Variants in PCDHA12 observed in about 807,000 individuals in gnomAD.
PCDHA12 encodes the protein protocadherin alpha 12.
A neutral mutation model predicts 60.0 loss-of-function variants in PCDHA12; 44 were observed. The ratio of observed to expected loss-of-function variants is 0.73; its 90% CI spans 0.58 to 0.94. The LOEUF (loss-of-function observed/expected upper bound fraction) is 0.94, where lower values mean the gene tolerates loss of function less well. Ranked by LOEUF, PCDHA12 falls within the 40% of genes least tolerant of loss-of-function variation. The pLI is 0.00. For synonymous variants in PCDHA12, 569 were observed against 553.0 expected, an observed-to-expected ratio of 1.03 and a Z score of -0.40; for missense variants, 1,276 against 1,239.7, an observed-to-expected ratio of 1.03 and a Z score of -0.44.
intron 1 of PCDHA12, among the ~76,000 whole-genome samples, chr5:140,949,788 G>C (rs2094421903): frequency 6.6e-6 from 1 of 151,684 alleles, no homozygotes; most frequent in Non-Finnish European, 1.5e-5. Context: ...GTTTAGATTT[G>C]TGTCCTTCAA....
At chr5:140,989,444 T>C (rs2097342711) in intron 3 of PCDHA12, among the ~76,000 whole-genome samples, 1 of 152,130 alleles carries the variant, frequency 6.6e-6, no homozygotes, top group South Asian at 2.1e-4. Context: ...CTGAGGTTGT[T>C]TAGAATTGTT....
At chr5:141,006,579 T>C (rs1208750821) in intron 3 of PCDHA12, among the ~76,000 whole-genome samples, 1 of 151,702 alleles carries the variant, frequency 6.6e-6, no homozygotes, top group Non-Finnish European at 1.5e-5. Context: ...GTGTGGAGGG[T>C]TGGAGAGAAG....
At chr5:140,909,854 C>T (rs756812618) in intron 1 of PCDHA12, among the ~76,000 whole-genome samples, 8 of 152,186 alleles carry the variant, frequency 5.3e-5, no homozygotes, top group Non-Finnish European at 1.2e-4. Flanking sequence ...CGTTTTCGGT[C>T]CCCTGGAGTC....
At chr5:140,951,543 CG>C (rs1201907714) in intron 1 of PCDHA12, among the ~76,000 whole-genome samples, 2 of 151,550 alleles carry the variant, frequency 1.3e-5, no homozygotes, top group Admixed American at 1.3e-4. Flanking sequence ...GAGCAAGGGA[CG>C]GGGGGAAGTG....
At chr5:140,997,697 T>C (rs2153948518) in intron 3 of PCDHA12, among the ~76,000 whole-genome samples, 1 of 151,394 alleles carries the variant, frequency 6.6e-6, no homozygotes. Flanking sequence ...TGTGTGTGTG[T>C]ATGTTAACAA....
At chr5:140,975,610 C>T (rs1412581927) in intron 1 of PCDHA12, among the ~76,000 whole-genome samples, 5 of 152,160 alleles carry the variant, frequency 3.3e-5, no homozygotes, top group Non-Finnish European at 7.4e-5. Flanking sequence ...TGATGTCTTC[C>T]ACATGGATTT....
chr5:140,906,661 A>C (rs1237437986), intron 1 of PCDHA12, among the ~76,000 whole-genome samples: 1 of 152,176 alleles, frequency 6.6e-6, no homozygotes, highest in African/African-American at 2.4e-5. Flanking sequence ...TTCCTGGTGT[A>C]GTGACCCAAA....
intron 1 of PCDHA12, among the ~76,000 whole-genome samples, chr5:140,905,357 A>G (rs1280254509): frequency 1.3e-5 from 2 of 152,052 alleles, no homozygotes; most frequent in African/African-American, 4.8e-5. Flanking sequence ...GTATTTGACT[A>G]TATTTCTGGT....
chr5:140,964,168 G>A (rs928554352), intron 1 of PCDHA12, among the ~76,000 whole-genome samples: 1 of 152,166 alleles, frequency 6.6e-6, no homozygotes, highest in Non-Finnish European at 1.5e-5. Flanking sequence ...TGTGAGGAAC[G>A]AAATCATTAT....
chr5:140,887,769 T>A (rs1012351831), intron 1 of PCDHA12, among the ~76,000 whole-genome samples: 23 of 152,212 alleles, frequency 1.5e-4, no homozygotes, highest in African/African-American at 5.5e-4. Flanking sequence ...TATGTTACAA[T>A]GACACAGGTC....
At chr5:140,947,095 A>T (rs2094086285) in intron 1 of PCDHA12, among the ~76,000 whole-genome samples, 1 of 151,642 alleles carries the variant, frequency 6.6e-6, no homozygotes, top group Non-Finnish European at 1.5e-5. Flanking sequence ...ACTGTAGCCC[A>T]TAAATAGGTA....
At chr5:140,937,705 G>T (rs892429555) in intron 1 of PCDHA12, among the ~76,000 whole-genome samples, 2 of 151,928 alleles carry the variant, frequency 1.3e-5, no homozygotes, top group Admixed American at 6.6e-5. Context: ...GAGGTCAGGA[G>T]ATCAAGACCA....
rs1263615997 is a variant in PCDHA12 at position 140,926,760 on chromosome 5, A to ATAC, written c.2367+48922_2367+48923insACT. ...GGCGCAACGTCGGCGGTCGCTGAGT[A>ATAC]TCCAGCCCGCAGCAGTGACGGCCGG... On this transcript the variant is annotated intron_variant, in intron 1 of 3. Transcript: ENST00000398631. The ATAC allele has an allele frequency of 6.1e-6, 8 of 1,312,248 alleles. No homozygotes were observed. The African/African-American group carries it at 1.2e-4, about 20-fold the overall frequency. The allele number at this position is 1,312,248 out of a possible 1,614,324, so 81.3% of individuals were successfully genotyped here.
chr5:141,000,389 C>CTATA (rs2097911342), intron 3 of PCDHA12, among the ~76,000 whole-genome samples: 3 of 62,588 alleles, frequency 4.8e-5, no homozygotes, highest in Non-Finnish European at 8.6e-5. Flanking sequence ...CTCTCTCTCT[C>CTATA]TCTCTCTATA....
At chr5:140,893,416 G>A (rs1351047268) in intron 1 of PCDHA12, among the ~76,000 whole-genome samples, 1 of 152,136 alleles carries the variant, frequency 6.6e-6, no homozygotes, top group Non-Finnish European at 1.5e-5. Context: ...ACTTAGGGAG[G>A]CAGAGGCAGG....
At chr5:140,892,207 A>C (rs1562863208) in intron 1 of PCDHA12, among the ~76,000 whole-genome samples, 1 of 152,110 alleles carries the variant, frequency 6.6e-6, no homozygotes, top group African/African-American at 2.4e-5. Context: ...TGTGTTTTAA[A>C]ATTGTATCTT....
chr5:140,918,925 T>C (rs2078925990), intron 1 of PCDHA12, among the ~76,000 whole-genome samples: 1 of 152,238 alleles, frequency 6.6e-6, no homozygotes, highest in Non-Finnish European at 1.5e-5. Context: ...ACACAGCATA[T>C]GGCATTTTGT....
intron 1 of PCDHA12, among the ~76,000 whole-genome samples, chr5:140,976,370 G>A (rs1392898202): frequency 6.6e-6 from 1 of 152,018 alleles, no homozygotes; most frequent in Non-Finnish European, 1.5e-5. Context: ...GGCCAACATG[G>A]TGAAACCCCA....
chr5:140,988,574 T>C (rs538316418), intron 3 of PCDHA12, among the ~76,000 whole-genome samples: 1 of 152,342 alleles, frequency 6.6e-6, no homozygotes, highest in East Asian at 1.9e-4. Context: ...GAAAACACTC[T>C]GTACCTTCCA....
Sources: allele counts gnomAD v4.1 joint callset (sites outside exome capture counted in the v4.1 genomes callset), GRCh38; gene constraint gnomAD v4.1.1; transcripts MANE v1.5; gene names NCBI Gene and HGNC (gene_info 2026-07-23, HGNC 2026-07-21).